Variants in ARHGAP24 observed in about 807,000 individuals in gnomAD.
ARHGAP24 encodes rho GTPase-activating protein 24.
ARHGAP24 carries 50 observed loss-of-function variants against 76.4 expected under a neutral mutation model. The ratio of observed to expected loss-of-function variants is 0.65; its 90% CI spans 0.52 to 0.83. ARHGAP24 has a LOEUF of 0.83. Ranked by LOEUF, ARHGAP24 falls within the 40% of genes least tolerant of loss-of-function variation. ARHGAP24 has a pLI of 0.00. For synonymous variants in ARHGAP24, 345 were observed against 323.3 expected, an observed-to-expected ratio of 1.07 and a Z score of -0.72; for missense variants, 930 against 914.2, an observed-to-expected ratio of 1.02 and a Z score of -0.22.
At chr4:85,747,593 C>G (rs1726096432) in intron 3 of ARHGAP24, among the ~76,000 whole-genome samples, 3 of 151,974 alleles carry the variant, frequency 2.0e-5, no homozygotes, top group African/African-American at 4.8e-5. Context: ...GTCCCAGCTA[C>G]TCGGGAGGCT....
chr4:85,558,413 C>G (rs1726473204), intron 1 of ARHGAP24, among the ~76,000 whole-genome samples: 1 of 152,164 alleles, frequency 6.6e-6, no homozygotes, highest in South Asian at 2.1e-4. Context: ...ATATCTAAAA[C>G]TAAAGTGTGA....
chr4:85,736,528 T>C (rs1177646298), intron 3 of ARHGAP24, among the ~76,000 whole-genome samples: 1 of 152,214 alleles, frequency 6.6e-6, no homozygotes, highest in African/African-American at 2.4e-5. Flanking sequence ...ATCAAACATT[T>C]AGTAAGAATC....
At chr4:85,711,556 T>C (rs1724528354) in intron 2 of ARHGAP24, among the ~76,000 whole-genome samples, 1 of 152,154 alleles carries the variant, frequency 6.6e-6, no homozygotes, top group African/African-American at 2.4e-5. Context: ...ATTCAGAATG[T>C]CAAAAGCAAC....
chr4:85,718,704 T>C (rs915394862), intron 2 of ARHGAP24, among the ~76,000 whole-genome samples: 3 of 152,146 alleles, frequency 2.0e-5, no homozygotes, highest in African/African-American at 4.8e-5. Context: ...TCTGTTGATA[T>C]TTAAACTACT....
chr4:85,821,349 A>T (rs1417055135), intron 3 of ARHGAP24, among the ~76,000 whole-genome samples: 1 of 152,242 alleles, frequency 6.6e-6, no homozygotes, highest in Non-Finnish European at 1.5e-5. Flanking sequence ...ATGATAACAT[A>T]TAATCCATAA....
chr4:85,576,897 T>G (rs949893359), intron 2 of ARHGAP24, among the ~76,000 whole-genome samples: 3 of 152,076 alleles, frequency 2.0e-5, no homozygotes, highest in African/African-American at 7.2e-5. Flanking sequence ...TTCGGATACA[T>G]TGGGCAAATG....
At chr4:85,703,346 G>A (rs1367512745) in intron 2 of ARHGAP24, among the ~76,000 whole-genome samples, 1 of 152,116 alleles carries the variant, frequency 6.6e-6, no homozygotes, top group Non-Finnish European at 1.5e-5. Flanking sequence ...ATGACAGATG[G>A]TCCTAGACAC....
chr4:85,528,732 A>T (rs12644974), intron 1 of ARHGAP24, among the ~76,000 whole-genome samples: 200 of 152,040 alleles, frequency 1.3e-3, no homozygotes, highest in Middle Eastern at 6.8e-3. Flanking sequence ...TTGCATATAC[A>T]TGAATCCTAG....
chr4:85,654,478 G>A (rs1222436573), intron 2 of ARHGAP24, among the ~76,000 whole-genome samples: 1 of 152,096 alleles, frequency 6.6e-6, no homozygotes, highest in Non-Finnish European at 1.5e-5. Flanking sequence ...TACAATGTAG[G>A]TTTTATACCC....
chr4:85,534,479 T>C (rs1725387722), intron 1 of ARHGAP24, among the ~76,000 whole-genome samples: 1 of 152,148 alleles, frequency 6.6e-6, no homozygotes. Context: ...CAATAACCAA[T>C]GGAGCCTGTG....
chr4:85,738,257 C>A (rs1240659227), intron 3 of ARHGAP24, among the ~76,000 whole-genome samples: 3 of 151,962 alleles, frequency 2.0e-5, no homozygotes, highest in African/African-American at 7.2e-5. Context: ...ATTTGCATTT[C>A]CCTAATGCTA....
At chr4:85,914,862 G>C (rs1735284636) in intron 3 of ARHGAP24, among the ~76,000 whole-genome samples, 1 of 152,154 alleles carries the variant, frequency 6.6e-6, no homozygotes, top group African/African-American at 2.4e-5. Context: ...TGTAATTCTA[G>C]TCTGTATCAG....
chr4:85,895,001 C>CAAAAAAAAA (rs1222078793), intron 3 of ARHGAP24, among the ~76,000 whole-genome samples: 23 of 54,340 alleles, frequency 4.2e-4, no homozygotes, highest in Non-Finnish European at 5.5e-4. Flanking sequence ...AAACAAAAAG[C>CAAAAAAAAA]AAAAAAAAAA....
chr4:85,925,449 C>A (rs1214687172), intron 4 of ARHGAP24, among the ~76,000 whole-genome samples: 1 of 151,902 alleles, frequency 6.6e-6, no homozygotes, highest in Non-Finnish European at 1.5e-5. Context: ...AAAGAGAAGT[C>A]ATAAAATGTT....
intron 2 of ARHGAP24, among the ~76,000 whole-genome samples, chr4:85,618,942 C>G (rs1720621776): frequency 6.6e-6 from 1 of 151,938 alleles, no homozygotes; most frequent in Non-Finnish European, 1.5e-5. Context: ...TGATTGTTTC[C>G]TTTGCAGTAC....
intron 3 of ARHGAP24, among the ~76,000 whole-genome samples, chr4:85,900,436 T>C (rs541428978): frequency 6.6e-6 from 1 of 152,262 alleles, no homozygotes; most frequent in African/African-American, 2.4e-5. Flanking sequence ...CATATACTTT[T>C]TTCAGATAGA....
intron 3 of ARHGAP24, among the ~76,000 whole-genome samples, chr4:85,897,676 CT>C (rs1734259767): frequency 6.6e-6 from 1 of 152,176 alleles, no homozygotes; most frequent in East Asian, 1.9e-4. Context: ...CTTTCTTACT[CT>C]TTTATTTATT....
intron 3 of ARHGAP24, among the ~76,000 whole-genome samples, chr4:85,849,662 T>C (rs1731104342): frequency 6.6e-6 from 1 of 152,224 alleles, no homozygotes; most frequent in African/African-American, 2.4e-5. Flanking sequence ...CATGAAGGGC[T>C]GTTGCATTTT....
intron 3 of ARHGAP24, among the ~76,000 whole-genome samples, chr4:85,779,343 G>A (rs1727434017): frequency 6.6e-6 from 1 of 152,092 alleles, no homozygotes. Flanking sequence ...GCAGGAGGGG[G>A]AGCTTAATGA....
Sources: gnomAD v4.1 joint callset for allele counts (sites outside exome capture counted in the v4.1 genomes callset) on GRCh38, gnomAD v4.1.1 for gene constraint, MANE v1.5 for transcripts, NCBI Gene and HGNC (gene_info 2026-07-23, HGNC 2026-07-21) for gene names.